The following UBE2J2 variants were observed in gnomAD, a reference collection of about 807,000 sequenced individuals.
UBE2J2 encodes the protein ubiquitin-conjugating enzyme E2 J2.
UBE2J2 carries 5 observed loss-of-function variants against 28.6 expected under a neutral mutation model. The observed-to-expected ratio is 0.17, with a 90% confidence interval of 0.09 to 0.37. The LOEUF (loss-of-function observed/expected upper bound fraction) is 0.37, where lower values mean the gene tolerates loss of function less well. UBE2J2 is among the 10% of genes least tolerant of loss of function. The pLI, the probability that UBE2J2 is intolerant of heterozygous loss-of-function variation, is 1.00. For synonymous variants in UBE2J2, 138 were observed against 139.7 expected, an observed-to-expected ratio of 0.99 and a Z score of 0.09; for missense variants, 226 against 338.9, an observed-to-expected ratio of 0.67 and a Z score of 2.62.
intron 1 of UBE2J2, chr1:1,271,553 T>A (rs771087439): frequency 1.3e-5 from 2 of 152,150 alleles, no homozygotes; most frequent in Non-Finnish European, 2.9e-5. Flanking sequence ...ATTCAACTGC[T>A]GTTTCCCCAG....
At chr1:1,256,403 A>C in intron 5 of UBE2J2, 1 of 376,478 alleles carries the variant, frequency 2.7e-6, no homozygotes, top group Non-Finnish European at 4.9e-6. Context: ...CCGTCTGTGC[A>C]ACTGGTACCG....
chr1:1,273,347 GAC>G (rs1640261666), intron 1 of UBE2J2: 1 of 152,220 alleles, frequency 6.6e-6, no homozygotes, highest in Admixed American at 6.5e-5. Context: ...GCCCTCCCCC[GAC>G]ACAGACTCCC....
intron 3 of UBE2J2, chr1:1,262,212 G>A (rs927495462): frequency 3.4e-5 from 14 of 412,194 alleles, no homozygotes; most frequent in Non-Finnish European, 5.9e-5. Flanking sequence ...GCACACACAC[G>A]CATCGTAACA....
At chr1:1,256,621 G>C (rs980864134) in intron 5 of UBE2J2, among the ~76,000 whole-genome samples, 2 of 152,138 alleles carry the variant, frequency 1.3e-5, no homozygotes, top group African/African-American at 4.8e-5. Context: ...GGTGGCTCAC[G>C]CCTGTAATCC....
At chr1:1,265,714 G>A (rs1394927307) in intron 2 of UBE2J2, among the ~76,000 whole-genome samples, 10 of 151,138 alleles carry the variant, frequency 6.6e-5, no homozygotes, top group East Asian at 3.9e-4. Context: ...TGCAACCTCC[G>A]CTTCCCGGGT....
At chr1:1,256,163 T>C in intron 5 of UBE2J2, 38 bp from the exon 6 acceptor site, 1 of 1,410,538 alleles carries the variant, frequency 7.1e-7, no homozygotes, top group Non-Finnish European at 1.0e-6. Context: ...AGAAAACTAA[T>C]TTCAATTCTT....
intron 3 of UBE2J2, among the ~76,000 whole-genome samples, chr1:1,258,453 C>T (rs553008938): frequency 6.6e-6 from 1 of 152,222 alleles, no homozygotes; most frequent in South Asian, 2.1e-4. Context: ...CCCCCTCTTC[C>T]CACTCCAGCC....
chr1:1,257,296 CATG>C lies in UBE2J2; in HGVS notation c.184_186del (p.His62del). 1.2e-6 allele frequency: 2 copies of C among 1,611,416 alleles called. No individual in the cohort carries two copies. The highest frequency in any genetic ancestry group is 1.7e-6 in the Non-Finnish European group (2 of 1,178,828). On this transcript the variant is annotated inframe_deletion, in exon 4 of 7. Coordinates refer to ENST00000349431, the MANE Select transcript of UBE2J2 (RefSeq NM_058167.3). ...AATTCTCTGGGAAAAATTAGTTTTC[CATG>C]ATAATAGCCACCTACATGGAAACAA...
chr1:1,269,096 G>GTAC, intron 1 of UBE2J2, among the ~76,000 whole-genome samples: 1 of 148,788 alleles, frequency 6.7e-6, no homozygotes, highest in African/African-American at 2.6e-5. Flanking sequence ...GGGGCGCGAG[G>GTAC]CACCATGCAA....
intron 1 of UBE2J2, chr1:1,271,616 C>T (rs1402787208): frequency 1.3e-5 from 2 of 152,142 alleles, no homozygotes; most frequent in African/African-American, 4.8e-5. Flanking sequence ...CCCAGGAGGC[C>T]AGGGGGCTAT....
At chr1:1,257,641 C>T (rs193168761) in intron 3 of UBE2J2, among the ~76,000 whole-genome samples, 2,186 of 151,378 alleles carry the variant, frequency 0.014, 69 homozygotes, top group African/African-American at 0.05. Context: ...TCCACACACA[C>T]CCCCACCAGG....
intron 5 of UBE2J2, 99 bp downstream of exon 5, chr1:1,256,888 GAAAAA>G (rs57305655): frequency 8.6e-4 from 439 of 512,906 alleles, no homozygotes; most frequent in East Asian, 2.1e-3. Flanking sequence ...TCCGTCTCAA[GAAAAA>G]AAAAAAAAAA....
chr1:1,254,040 G>T lies in UBE2J2; in HGVS notation c.*1163C>A, dbSNP rs1042662339. The stretch of plus-strand genomic sequence containing the variant: ...AACGAAGAAAGATGAGCGCGTGCGG[G>T]CTGGGCTTGTCTCACGCCCGCCTCC... On this transcript the variant is annotated 3_prime_UTR_variant, in exon 7 of 7. Coordinates refer to ENST00000349431, the MANE Select transcript of UBE2J2 (RefSeq NM_058167.3). 1 of 152,242 alleles carries T rather than the reference G, an allele frequency of 6.6e-6. No homozygotes were observed. Among genetic ancestry groups the T allele is most frequent in the African/African-American group, 2.4e-5 (1 of 41,464 alleles). The allele number at this position is 152,242 out of a possible 1,614,324, so 9.4% of individuals were successfully genotyped here. A position where few individuals can be genotyped will look rare whatever the true frequency, so the allele number is the denominator to read the frequency against.
chr1:1,271,340 G>T (rs961828852), intron 1 of UBE2J2, among the ~76,000 whole-genome samples: 12 of 152,250 alleles, frequency 7.9e-5, no homozygotes, highest in African/African-American at 2.9e-4. Flanking sequence ...CACTCACCCT[G>T]AAGCTAACAC....
rs187306083 is a variant in UBE2J2, at chr1:1,268,503, G to C, written c.1-511C>G. ...CCACAAGCAAAACGAGCCGCAGAAC[G>C]GGGGAGCCTCTGCGGCTGGAGGGAC... On this transcript the variant is annotated intron_variant, in intron 1 of 6. Coordinates refer to ENST00000349431, the MANE Select transcript of UBE2J2 (RefSeq NM_058167.3). This position sits in a 1 kb window ranked among gnomAD's most constrained non-coding sequence, Gnocchi z 4.7. 6.6e-6 allele frequency among the ~76,000 whole-genome samples: 1 copy of C among 152,120 alleles called. No individual in the cohort carries two copies. Among genetic ancestry groups the C allele is most frequent in the Non-Finnish European group, 1.5e-5 (1 of 68,036 alleles).
intron 2 of UBE2J2, 167 bp from the exon 3 acceptor site, chr1:1,263,553 G>T: frequency 1.5e-6 from 1 of 645,620 alleles, no homozygotes; most frequent in South Asian, 1.7e-5. Context: ...CAAAACCCCC[G>T]TCTCTTCTAC....
chr1:1,272,213 G>A (rs1422741434), intron 1 of UBE2J2, among the ~76,000 whole-genome samples: 2 of 152,012 alleles, frequency 1.3e-5, no homozygotes, highest in African/African-American at 2.4e-5. Flanking sequence ...TATGTGCCTC[G>A]GGTTCCCTTC....
chr1:1,270,981 C>T (rs1640119680), intron 1 of UBE2J2, among the ~76,000 whole-genome samples: 2 of 152,230 alleles, frequency 1.3e-5, no homozygotes, highest in Admixed American at 1.3e-4. Flanking sequence ...GGAAACTCCC[C>T]AGGCCCTTCC....
intron 2 of UBE2J2, among the ~76,000 whole-genome samples, chr1:1,267,330 C>T (rs1308967663): frequency 1.3e-5 from 2 of 152,210 alleles, no homozygotes; most frequent in South Asian, 2.1e-4. Flanking sequence ...CAGGTCCTCT[C>T]GTTGTCAGCC....
Sources: allele counts gnomAD v4.1 joint callset (sites outside exome capture counted in the v4.1 genomes callset), GRCh38; gene constraint gnomAD v4.1.1; non-coding constraint Gnocchi (gnomAD v3.1); transcripts MANE v1.5; gene names NCBI Gene and HGNC (gene_info 2026-07-23, HGNC 2026-07-21).